The following CREB5 variants were observed in gnomAD, a reference collection of about 807,000 sequenced individuals.
The protein encoded by CREB5 is cAMP responsive element binding protein 5.
In CREB5, 19 loss-of-function variants were observed where a neutral mutation model predicts 57.1. The ratio of observed to expected loss-of-function variants is 0.33; its 90% CI spans 0.23 to 0.49. The LOEUF (loss-of-function observed/expected upper bound fraction) is 0.49. CREB5 is among the 20% of genes least tolerant of loss of function. CREB5 has a pLI of 0.99. For synonymous variants in CREB5, 238 were observed against 238.3 expected (o/e 1.00, Z 0.01); for missense variants, 579 against 671.6 (o/e 0.86, Z 1.52).
chr7:28,444,825 C>T (rs1315268557), intron 1 of CREB5, among the ~76,000 whole-genome samples: 1 of 152,196 alleles, frequency 6.6e-6, no homozygotes, highest in Non-Finnish European at 1.5e-5. Flanking sequence ...AACTCTATCA[C>T]CCTGAAACCA....
At chr7:28,627,127 A>G (rs1377312472) in intron 5 of CREB5, among the ~76,000 whole-genome samples, 3 of 152,214 alleles carry the variant, frequency 2.0e-5, no homozygotes, top group Non-Finnish European at 4.4e-5. Context: ...TTCCATAATT[A>G]AGATGGTGGT....
chr7:28,714,048 G>A (rs1802546024), intron 5 of CREB5, among the ~76,000 whole-genome samples: 4 of 151,096 alleles, frequency 2.6e-5, no homozygotes, highest in South Asian at 2.1e-4. Flanking sequence ...GTGTGATCTC[G>A]GCTCACTGCC....
chr7:28,770,571 G>A (rs1806267453), intron 7 of CREB5, among the ~76,000 whole-genome samples: 1 of 152,112 alleles, frequency 6.6e-6, no homozygotes, highest in Non-Finnish European at 1.5e-5. Flanking sequence ...TTCATGACCA[G>A]AAAAATAACT....
chr7:28,359,298 T>C (rs913709943), intron 1 of CREB5, among the ~76,000 whole-genome samples: 1 of 151,990 alleles, frequency 6.6e-6, no homozygotes, highest in African/African-American at 2.4e-5. Context: ...ACAATCTCTT[T>C]GAAGCTGCAT....
chr7:28,752,321 C>T (rs1805030039), intron 7 of CREB5, among the ~76,000 whole-genome samples: 1 of 152,152 alleles, frequency 6.6e-6, no homozygotes, highest in South Asian at 2.1e-4. Flanking sequence ...TGTCCGCTAC[C>T]ACACCTAGCT....
chr7:28,329,951 C>G (rs1369257128), intron 1 of CREB5, among the ~76,000 whole-genome samples: 1 of 152,216 alleles, frequency 6.6e-6, no homozygotes, highest in African/African-American at 2.4e-5. Flanking sequence ...GCTGTTTTCT[C>G]TTAAGGATGG....
intron 7 of CREB5, among the ~76,000 whole-genome samples, chr7:28,790,249 T>A (rs1458499199): frequency 6.6e-6 from 1 of 152,182 alleles, no homozygotes; most frequent in Non-Finnish European, 1.5e-5. Context: ...ATAGTCCTAC[T>A]CATAGCAAAT....
At chr7:28,372,628 T>C (rs1786730865) in intron 1 of CREB5, among the ~76,000 whole-genome samples, 1 of 152,218 alleles carries the variant, frequency 6.6e-6, no homozygotes, top group African/African-American at 2.4e-5. Context: ...TTATTATAGA[T>C]TGGTATTAAG....
intron 7 of CREB5, among the ~76,000 whole-genome samples, chr7:28,766,845 A>G (rs1395556812): frequency 1.3e-5 from 2 of 152,212 alleles, no homozygotes; most frequent in Non-Finnish European, 2.9e-5. Flanking sequence ...GGCAGGGATG[A>G]TCGTGTGTCT....
chr7:28,698,011 A>G (rs148854339), intron 5 of CREB5, among the ~76,000 whole-genome samples: 1 of 152,340 alleles, frequency 6.6e-6, no homozygotes, highest in East Asian at 1.9e-4. Flanking sequence ...CTTCTTGAAC[A>G]TCAAATAGCT....
At chr7:28,724,187 G>T in intron 6 of CREB5, 35 bp from the exon 7 acceptor site, 1 of 1,581,574 alleles carries the variant, frequency 6.3e-7, no homozygotes, top group South Asian at 1.1e-5. Context: ...GACTGCCTTT[G>T]CAGACTTCTA....
intron 3 of CREB5, among the ~76,000 whole-genome samples, chr7:28,499,091 G>C (rs1386708455): frequency 6.6e-6 from 1 of 151,368 alleles, no homozygotes; most frequent in Non-Finnish European, 1.5e-5. Flanking sequence ...ATGGTAGTAC[G>C]GGTAGGAACC....
At chr7:28,686,692 C>A (rs1260322384) in intron 5 of CREB5, among the ~76,000 whole-genome samples, 1 of 152,054 alleles carries the variant, frequency 6.6e-6, no homozygotes, top group Non-Finnish European at 1.5e-5. Context: ...AATGTGAGAG[C>A]GAGGGGGTCA....
chr7:28,528,380 G>GT (rs1793539473), intron 4 of CREB5, among the ~76,000 whole-genome samples: 1 of 152,234 alleles, frequency 6.6e-6, no homozygotes, highest in Non-Finnish European at 1.5e-5. Flanking sequence ...TCAATTATGT[G>GT]AAAGCAGTTT....
chr7:28,704,325 CAG>C (rs1401844697), intron 5 of CREB5, among the ~76,000 whole-genome samples: 1 of 152,170 alleles, frequency 6.6e-6, no homozygotes, highest in Non-Finnish European at 1.5e-5. Context: ...TACTTGCACT[CAG>C]AGATCATTTG....
intron 5 of CREB5, among the ~76,000 whole-genome samples, chr7:28,629,357 G>A (rs1334490458): frequency 1.3e-5 from 2 of 152,178 alleles, no homozygotes; most frequent in Non-Finnish European, 2.9e-5. Context: ...GAGTTGTCCT[G>A]GAATCAGACG....
chr7:28,722,951 CACA>C (rs1346738916), intron 6 of CREB5, among the ~76,000 whole-genome samples: 1 of 152,190 alleles, frequency 6.6e-6, no homozygotes, highest in Non-Finnish European at 1.5e-5. Flanking sequence ...GTCATGGAAT[CACA>C]ACAAGGGAAG....
intron 1 of CREB5, among the ~76,000 whole-genome samples, chr7:28,407,045 C>G (rs1433047978): frequency 1.3e-5 from 2 of 149,442 alleles, no homozygotes; most frequent in Non-Finnish European, 3.0e-5. Flanking sequence ...TCTTTTTTTT[C>G]TTTTTTCCTT....
In CREB5 at chr7:28,534,871, C is replaced by G. The variant is rs181966192; in HGVS notation, c.291+27134C>G. 4.0e-3 allele frequency among the ~76,000 whole-genome samples: 574 copies of G among 141,934 alleles called. 95 individuals carry two copies. Among genetic ancestry groups the G allele is most frequent in the Middle Eastern group, 0.011 (3 of 278 alleles). 93.1% of individuals were successfully genotyped at this position (141,934 alleles called of 152,430 possible). On this transcript the variant is annotated intron_variant, in intron 4 of 10. Coordinates refer to ENST00000357727, the MANE Select transcript of CREB5 (RefSeq NM_182898.4). ...AAAGTGACTTTCTCAGGGTAACAGGCCTTCTAAGTGAGAAAGCCCAGGTTT... is the reference window on the plus strand; with the variant it reads ...AAAGTGACTTTCTCAGGGTAACAGGGCTTCTAAGTGAGAAAGCCCAGGTTT...
Sources: gnomAD v4.1 joint callset for allele counts (sites outside exome capture counted in the v4.1 genomes callset) on GRCh38, gnomAD v4.1.1 for gene constraint, MANE v1.5 for transcripts, NCBI Gene and HGNC (gene_info 2026-07-23, HGNC 2026-07-21) for gene names.